DNAAF11: variants seen among roughly 807,000 people sequenced by gnomAD.
The protein encoded by DNAAF11 is dynein axonemal assembly factor 11.
In DNAAF11, 45 loss-of-function variants were observed where a neutral mutation model predicts 60.8. The ratio of observed to expected loss-of-function variants is 0.74; its 90% confidence interval spans 0.58 to 0.95. The LOEUF (loss-of-function observed/expected upper bound fraction) is 0.95, where lower values mean the gene tolerates loss of function less well. Among genes scored for constraint, DNAAF11 ranks in the 40% least tolerant of loss-of-function variants. The pLI, the probability that DNAAF11 is intolerant of heterozygous loss-of-function variation, is 0.00. For missense variants in DNAAF11, 546 were observed against 546.2 expected (o/e 1.00, Z 0.00); for synonymous variants, 191 against 183.5 (o/e 1.04, Z -0.33).
chr8:132,591,669 C>A (rs1298420864), intron 10 of DNAAF11, among the ~76,000 whole-genome samples: 2 of 151,860 alleles, frequency 1.3e-5, no homozygotes, highest in African/African-American at 4.8e-5. Flanking sequence ...GTTTATTATA[C>A]CTCACTAAAA....
chr8:132,669,115 C>T (rs181972731), intron 1 of DNAAF11, among the ~76,000 whole-genome samples: 87 of 152,308 alleles, frequency 5.7e-4, no homozygotes, highest in Non-Finnish European at 1.1e-3. Context: ...CATATCACAG[C>T]CCAACTTCCC....
At chr8:132,636,735 G>C (rs1821335486) in intron 4 of DNAAF11, among the ~76,000 whole-genome samples, 1 of 152,136 alleles carries the variant, frequency 6.6e-6, no homozygotes, top group East Asian at 1.9e-4. Context: ...TCATTTTCTA[G>C]GAAATCACTG....
At chr8:132,622,769 A>G in intron 6 of DNAAF11, 81 bp from the exon 7 acceptor site, 1 of 976,646 alleles carries the variant, frequency 1.0e-6, no homozygotes, top group Non-Finnish European at 1.6e-6. Flanking sequence ...CAATTAATAC[A>G]TTTTTGTGAA....
intron 10 of DNAAF11, among the ~76,000 whole-genome samples, chr8:132,590,556 A>G (rs1349147348): frequency 1.3e-5 from 2 of 152,200 alleles, no homozygotes; most frequent in Non-Finnish European, 2.9e-5. Flanking sequence ...TTTGATACTC[A>G]AGTGTTTCCT....
chr8:132,619,866 A>G (rs1364024732), intron 7 of DNAAF11, among the ~76,000 whole-genome samples: 1 of 152,226 alleles, frequency 6.6e-6, no homozygotes, highest in Non-Finnish European at 1.5e-5. Flanking sequence ...GTGCTTACAC[A>G]GACTGATTTT....
chr8:132,679,674 AG>A (rs1422697362), upstream of DNAAF11, among the ~76,000 whole-genome samples: 2 of 152,120 alleles, frequency 1.3e-5, no homozygotes, highest in East Asian at 1.9e-4. Context: ...TAATTAAACC[AG>A]GGGGTGGGTC....
Position 132,578,519 on chromosome 8 carries a change from G to A in DNAAF11, c.1226+5175C>T, listed in dbSNP as rs552799366. 2.6e-6 allele frequency: 4 copies of A among 1,511,954 alleles called. No homozygotes were observed. The South Asian group carries it at 3.6e-5, about 14-fold the overall frequency. The allele number at this position is 1,511,954 out of a possible 1,614,324, so 93.7% of individuals were successfully genotyped here. On this transcript the variant is annotated intron_variant, in intron 11 of 11. Transcript: ENST00000620350. ...ACCTCTAGAATCCAGTAGAATAGCT[G>A]GAAGACAAAATCAACAGATTTAACA...
intron 2 of DNAAF11, among the ~76,000 whole-genome samples, chr8:132,659,037 C>A (rs1031311530): frequency 4.6e-5 from 7 of 152,148 alleles, no homozygotes; most frequent in African/African-American, 1.7e-4. Flanking sequence ...AGCTCTGTAG[C>A]CCTCAGCTTG....
At position 132,668,664 on chromosome 8, in the gene DNAAF11, G is replaced by C. The variant is rs376992181; in HGVS notation, c.10+6820C>G. On this transcript the variant is annotated intron_variant, in intron 1 of 11. Transcript: ENST00000620350. ...TCACCGTGTTAGCCAGGATGGTCTCGATCTCTTGACCTCATGTTCCACCCC... is the reference window on the plus strand; with the variant it reads ...TCACCGTGTTAGCCAGGATGGTCTCCATCTCTTGACCTCATGTTCCACCCC... Among the ~76,000 whole-genome samples, 7 of 152,016 alleles carry C rather than the reference G, an allele frequency of 4.6e-5. No homozygotes were observed. In the South Asian group the frequency reaches 1.5e-3, roughly 32 times the overall value.
chr8:132,634,666 A>C (rs967581510), intron 4 of DNAAF11, among the ~76,000 whole-genome samples: 1 of 150,594 alleles, frequency 6.6e-6, no homozygotes, highest in Admixed American at 6.6e-5. Flanking sequence ...ATATGAATCA[A>C]CATAAAAGTA....
intron 11 of DNAAF11, among the ~76,000 whole-genome samples, chr8:132,573,028 A>T (rs1156951928): frequency 6.6e-6 from 1 of 152,138 alleles, no homozygotes; most frequent in Non-Finnish European, 1.5e-5. Context: ...TTTTCTCAGC[A>T]ATAGCAAGCA....
At chr8:132,580,147 G>A (rs1261089886) in intron 11 of DNAAF11, among the ~76,000 whole-genome samples, 1 of 152,048 alleles carries the variant, frequency 6.6e-6, no homozygotes, top group East Asian at 1.9e-4. Flanking sequence ...CAATTACTAT[G>A]TTTAAATAAC....
intron 11 of DNAAF11, among the ~76,000 whole-genome samples, chr8:132,582,919 A>C (rs1302197919): frequency 6.6e-6 from 1 of 152,204 alleles, no homozygotes; most frequent in Non-Finnish European, 1.5e-5. Flanking sequence ...CTAGAGAAGA[A>C]CTGAGAAAGG....
intron 8 of DNAAF11, among the ~76,000 whole-genome samples, 164 bp downstream of exon 8, chr8:132,614,874 T>G (rs76110264): frequency 6.6e-6 from 1 of 152,360 alleles, no homozygotes; most frequent in African/African-American, 2.4e-5. Context: ...CCTTTCATTT[T>G]CATGCTTTTA....
chr8:132,577,834 G>T (rs903478486), intron 11 of DNAAF11, among the ~76,000 whole-genome samples: 1 of 151,134 alleles, frequency 6.6e-6, no homozygotes, highest in African/African-American at 2.4e-5. Flanking sequence ...GCTAATTTTT[G>T]TATTTTTTTT....
At chr8:132,614,889 T>C in intron 8 of DNAAF11, 149 bp downstream of exon 8, 1 of 496,058 alleles carries the variant, frequency 2.0e-6, no homozygotes, top group Non-Finnish European at 3.6e-6. Context: ...CTTTTAAAAA[T>C]TATAGTAACT....
At chr8:132,596,532 T>A (rs1817032035) in intron 10 of DNAAF11, among the ~76,000 whole-genome samples, 1 of 152,230 alleles carries the variant, frequency 6.6e-6, no homozygotes, top group African/African-American at 2.4e-5. Context: ...ACAATCTTGC[T>A]AGAGACAGTC....
chr8:132,612,232 G>A (rs1327606233), intron 8 of DNAAF11, among the ~76,000 whole-genome samples: 2 of 152,094 alleles, frequency 1.3e-5, no homozygotes, highest in Admixed American at 6.6e-5. Flanking sequence ...AAGATTGTTA[G>A]GAAGGAACAT....
intron 1 of DNAAF11, among the ~76,000 whole-genome samples, chr8:132,663,266 T>C (rs887830460): frequency 6.6e-5 from 10 of 152,082 alleles, no homozygotes; most frequent in African/African-American, 2.2e-4. Flanking sequence ...TTAAATAGGG[T>C]GCTATAATCA....
Sources: gnomAD v4.1 joint callset for allele counts (sites outside exome capture counted in the v4.1 genomes callset) on GRCh38, gnomAD v4.1.1 for gene constraint, MANE v1.5 for transcripts, NCBI Gene and HGNC (gene_info 2026-07-23, HGNC 2026-07-21) for gene names.